NRAP: variants seen among roughly 807,000 people sequenced by gnomAD.
NRAP encodes nebulin-related-anchoring protein.
Under a neutral mutation model 225.9 loss-of-function variants are expected in NRAP, and 189 were observed. The ratio of observed to expected loss-of-function variants is 0.84; its 90% CI spans 0.74 to 0.94. The LOEUF (loss-of-function observed/expected upper bound fraction) is 0.94, where lower values mean the gene tolerates loss of function less well. NRAP is among the 40% of genes least tolerant of loss of function. The pLI is 0.00. For missense variants in NRAP, 2,176 were observed against 2,168.7 expected (o/e 1.00, Z -0.07); for synonymous variants, 769 against 790.7 (o/e 0.97, Z 0.46).
chr10:113,607,650 T>A (rs1373839650), intron 32 of NRAP, among the ~76,000 whole-genome samples: 1 of 152,118 alleles, frequency 6.6e-6, no homozygotes, highest in Non-Finnish European at 1.5e-5. Context: ...TTCTTGCTTT[T>A]CAGTTGAAGC....
intron 22 of NRAP, among the ~76,000 whole-genome samples, chr10:113,624,385 C>A (rs1173781969): frequency 1.3e-5 from 2 of 152,126 alleles, no homozygotes; most frequent in Non-Finnish European, 2.9e-5. Flanking sequence ...TCATGACAAC[C>A]CAGTAAGGAC....
chr10:113,649,970 C>T (rs1849840054), intron 9 of NRAP, 67 bp downstream of exon 9: 4 of 878,444 alleles, frequency 4.6e-6, no homozygotes, highest in Non-Finnish European at 5.8e-6. Context: ...ATTGTCATAG[C>T]TGTGTCACAG....
At chr10:113,661,648 C>T (rs995726727) in intron 3 of NRAP, among the ~76,000 whole-genome samples, 3 of 152,084 alleles carry the variant, frequency 2.0e-5, no homozygotes, top group Non-Finnish European at 4.4e-5. Flanking sequence ...GCAAGAGTTC[C>T]GTCGATAACT....
chr10:113,652,905 T>C (rs1850068527), intron 6 of NRAP, 30 bp downstream of exon 6: 1 of 1,470,326 alleles, frequency 6.8e-7, no homozygotes, highest in Admixed American at 1.7e-5. Flanking sequence ...ATTAGCATAA[T>C]CAATGGTGAA....
intron 2 of NRAP, 114 bp downstream of exon 2, chr10:113,663,238 G>C (rs761370954): frequency 5.9e-6 from 4 of 680,820 alleles, no homozygotes; most frequent in Non-Finnish European, 1.1e-5. Context: ...AACACTTTGG[G>C]AGAAGATATT....
chr10:113,641,457 T>C lies in NRAP; in HGVS notation c.1231A>G (p.Asn411Asp), dbSNP rs1211477686. 6.2e-7 allele frequency: 1 copy of C among 1,610,828 alleles called. No homozygotes were observed. The highest frequency in any genetic ancestry group is 8.5e-7 in the Non-Finnish European group (1 of 1,177,082). ...KFTSDNKYKE[N>D]YQNHMRGRYE... is the part of the protein sequence containing the mutation. ...CGGCCTCTCATGTGGTTCTGGTAGTTTTCTTTATATTTATTCTACATGGAA... is the reference window on the plus strand; with the variant it reads ...CGGCCTCTCATGTGGTTCTGGTAGTCTTCTTTATATTTATTCTACATGGAA... Residue 411 changes from asparagine to aspartate, a missense_variant, in exon 13 of 42, where the codon AAC becomes GAC. By Grantham distance (23) the Asn-to-Asp change is conservative. This residue lies in a region of NRAP where 1,708 missense variants were observed against 1,695.5 expected (regional missense o/e 1.01). Transcript: ENST00000359988.
chr10:113,651,861 G>C lies in NRAP; in HGVS notation c.617C>G (p.Thr206Arg). Reference protein sequence around the residue: ...GHDERISRFSTVVDTPELLRS... With the variant: ...GHDERISRFSRVVDTPELLRS... ...TAGCAGCTCAGGAGTATCCACCACC[G>C]TGGAGAACCTGGAGATGCGTTCATC... Residue 206 changes from threonine (T) to arginine (R), a missense_variant, in exon 7 of 42, where the codon ACG becomes AGG. By Grantham distance (71) the Thr-to-Arg change is moderately conservative (BLOSUM62 -1). Coordinates refer to ENST00000359988, the MANE Select transcript of NRAP (RefSeq NM_198060.4). The C allele has an allele frequency of 1.2e-6, 2 of 1,613,184 alleles. No individual in the cohort carries two copies. The highest frequency in any genetic ancestry group is 1.7e-6 in the Non-Finnish European group (2 of 1,179,244).
intron 9 of NRAP, among the ~76,000 whole-genome samples, chr10:113,649,656 A>G (rs1037583110): frequency 6.6e-6 from 1 of 152,236 alleles, no homozygotes; most frequent in Non-Finnish European, 1.5e-5. Context: ...ACTCAGTGAA[A>G]TGCTCAATAT....
chr10:113,657,183 G>A (rs1193214356), intron 4 of NRAP, among the ~76,000 whole-genome samples: 1 of 152,132 alleles, frequency 6.6e-6, no homozygotes, highest in African/African-American at 2.4e-5. Context: ...AGAGAAAAGG[G>A]TGGAGCTGAG....
intron 29 of NRAP, 90 bp downstream of exon 29, chr10:113,614,093 G>A (rs1020507425): frequency 1.2e-5 from 10 of 845,570 alleles, no homozygotes; most frequent in Non-Finnish European, 1.8e-5. Context: ...CAATACCCAT[G>A]TCCAGAAGGA....
intron 33 of NRAP, 43 bp downstream of exon 33, chr10:113,606,135 T>C (rs1382771264): frequency 1.4e-6 from 2 of 1,393,262 alleles, no homozygotes; most frequent in African/African-American, 1.4e-5. Context: ...TAGACATACA[T>C]GGCTTTGGAG....
intron 29 of NRAP, among the ~76,000 whole-genome samples, chr10:113,612,897 G>A (rs979457730): frequency 5.3e-5 from 8 of 152,170 alleles, no homozygotes; most frequent in Non-Finnish European, 8.8e-5. Flanking sequence ...TAGCCAACGT[G>A]GGAGCCAGGA....
rs1276697770 is a variant in NRAP, at chr10:113,623,638, T to C, written c.2350-2A>G. 1 of 1,607,022 alleles carries C rather than the reference T, an allele frequency of 6.2e-7. No individual in the cohort carries two copies. The highest frequency in any genetic ancestry group is 1.7e-4 in the Middle Eastern group (1 of 6,054). ...TTCCCAGCTGCTCTTATACAGTTTC[T>C]AAGGGGATTTAGGAGAGAAGGTGAG... On this transcript the variant is annotated splice_acceptor_variant, in intron 22 of 41. Transcript: ENST00000359988. LOFTEE classifies it high-confidence loss of function.
chr10:113,598,043 T>A lies in NRAP; in HGVS notation c.4258A>T (p.Lys1420Ter). Residue 1420 changes from lysine to a stop codon, truncating the protein, a stop_gained, in exon 36 of 42, where the codon AAG (lysine) becomes TAG (stop). Coordinates refer to ENST00000359988, the MANE Select transcript of NRAP (RefSeq NM_198060.4). LOFTEE classifies it high-confidence loss of function. ...LRYKSDLIGMKGIGWLALRSP... is the reference protein window; with the variant it reads ...LRYKSDLIGM ...CTCAGCGCCAGCCATCCTATGCCCT[T>A]CATGCCGATCAGGTCTGACTTGTAG... The A allele has an allele frequency of 6.2e-7, 1 of 1,613,694 alleles. No individual in the cohort carries two copies. Among genetic ancestry groups the A allele is most frequent in the East Asian group, 2.2e-5 (1 of 44,876 alleles).
At chr10:113,595,779 A>G in intron 37 of NRAP, 52 bp from the exon 38 acceptor site, 1 of 1,243,238 alleles carries the variant, frequency 8.0e-7, no homozygotes, top group Non-Finnish European at 1.2e-6. Flanking sequence ...GGCTGAAACC[A>G]CAGGGGAATA....
At chr10:113,608,654 T>C in intron 31 of NRAP, 142 bp from the exon 32 acceptor site, 8 of 626,990 alleles carry the variant, frequency 1.3e-5, no homozygotes, top group Middle Eastern at 2.6e-4. Context: ...GATTGTCACC[T>C]GCCTTTGTGA....
At chr10:113,643,180 C>G (rs1026752644) in intron 11 of NRAP, 142 bp from the exon 12 acceptor site, 7 of 469,428 alleles carry the variant, frequency 1.5e-5, no homozygotes, top group Non-Finnish European at 2.7e-5. Context: ...GCTAAGTTAG[C>G]AGGACATATT....
In NRAP at chr10:113,597,193, TAAAGAC is replaced by T. The variant is rs771173382; in HGVS notation, c.4333-15_4333-10del. ...TTTTTACGGTACTTGGTCTATAAGA[TAAAGAC>T]AAAGATTCTCATGAAACACAGTCCA... On this transcript the variant is annotated splice_polypyrimidine_tract_variant and intron_variant, in intron 36 of 41. Coordinates refer to ENST00000359988, the MANE Select transcript of NRAP (RefSeq NM_198060.4). 2.4e-5 allele frequency: 38 copies of T among 1,564,558 alleles called. No homozygotes were observed. In the East Asian group the frequency reaches 4.0e-4, roughly 17 times the overall value.
At chr10:113,611,073 G>C (rs780449495) in intron 30 of NRAP, among the ~76,000 whole-genome samples, 39 of 152,108 alleles carry the variant, frequency 2.6e-4, no homozygotes, top group African/African-American at 8.2e-4. Context: ...TGAATGATTC[G>C]GGCTGACAGT....
Sources: allele counts gnomAD v4.1 joint callset (sites outside exome capture counted in the v4.1 genomes callset), GRCh38; gene constraint gnomAD v4.1.1; regional missense constraint gnomAD v4.1.1; transcripts MANE v1.5; gene names NCBI Gene and HGNC (gene_info 2026-07-23, HGNC 2026-07-21).